TBC1D8B: variants seen among roughly 807,000 people sequenced by gnomAD.
TBC1D8B encodes RP11-321G1.1.
TBC1D8B carries 75 observed loss-of-function variants against 82.9 expected under a neutral mutation model. That is an observed-to-expected ratio of 0.90 (90% CI 0.75 to 1.10). TBC1D8B has a LOEUF of 1.10. TBC1D8B is among the 50% of genes least tolerant of loss of function. The pLI, the probability that TBC1D8B is intolerant of heterozygous loss-of-function variation, is 0.00. For synonymous variants in TBC1D8B, 276 were observed against 276.8 expected, an observed-to-expected ratio of 1.00 and a Z score of 0.03; for missense variants, 794 against 796.9, an observed-to-expected ratio of 1.00 and a Z score of 0.04.
chrX:106,844,423 G>C (rs1443923551), intron 10 of TBC1D8B, among the ~76,000 whole-genome samples: 1 of 105,544 alleles, frequency 9.5e-6, no homozygotes, highest in African/African-American at 3.4e-5. Context: ...AAGGAGTATT[G>C]ATTTTGTCAA....
At chrX:106,810,142 G>A (rs1727350587) in intron 1 of TBC1D8B, among the ~76,000 whole-genome samples, 2 of 111,732 alleles carry the variant, frequency 1.8e-5, no homozygotes, top group Non-Finnish European at 3.8e-5. Context: ...CCTAAAAGCA[G>A]TGATTAATAA....
intron 10 of TBC1D8B, 136 bp from the exon 11 acceptor site, chrX:106,848,050 T>A (rs1256165949): frequency 5.5e-6 from 2 of 364,863 alleles, no homozygotes; most frequent in Admixed American, 9.9e-5. Flanking sequence ...GGCTCAGAGT[T>A]CTCATGTTTC....
At chrX:106,854,060 A>T (rs1368297208) in intron 13 of TBC1D8B, 138 bp from the exon 14 acceptor site, 1 of 453,545 alleles carries the variant, frequency 2.2e-6, no homozygotes, top group Non-Finnish European at 3.4e-6. Context: ...AAAATTTGCA[A>T]AATCATTGAA....
In TBC1D8B at chrX:106,866,953, T is replaced by G. The variant is rs1035544325; in HGVS notation, c.2728+91T>G. 6.4e-6 allele frequency: 4 copies of G among 627,793 alleles called. No homozygotes were observed. The Admixed American group carries it at 1.4e-4, about 23-fold the overall frequency. 51.7% of individuals were successfully genotyped at this position (627,793 alleles called of 1,213,427 possible). Reference sequence around the variant, plus strand: ...CAGATTTTTTTAACAACTAAACTAATTTTCAACATGATATAAGATCGTTGC... The same window carrying G: ...CAGATTTTTTTAACAACTAAACTAAGTTTCAACATGATATAAGATCGTTGC... On this transcript the variant is annotated intron_variant, in intron 17 of 20. Transcript: ENST00000357242.
At chrX:106,839,030 T>C in intron 7 of TBC1D8B, among the ~76,000 whole-genome samples, 1 of 111,665 alleles carries the variant, frequency 9.0e-6, no homozygotes, top group African/African-American at 3.3e-5. Flanking sequence ...ATTGCATGCC[T>C]TTGGTTAATT....
chrX:106,854,335 A>AT (rs754149422), intron 14 of TBC1D8B, 39 bp downstream of exon 14: 4,987 of 885,866 alleles, frequency 5.6e-3, no homozygotes, highest in Non-Finnish European at 6.2e-3. Context: ...AGTTGGAGTA[A>AT]TTTTTTTTTT....
intron 7 of TBC1D8B, 163 bp downstream of exon 7, chrX:106,827,500 A>T (rs1931885517): frequency 2.1e-6 from 1 of 486,748 alleles, no homozygotes; most frequent in Non-Finnish European, 3.3e-6. Context: ...ATCCTTAAGC[A>T]GAAGTGAGAA....
intron 7 of TBC1D8B, among the ~76,000 whole-genome samples, chrX:106,837,709 G>A (rs1314751085): frequency 9.0e-6 from 1 of 111,397 alleles, no homozygotes; most frequent in Non-Finnish European, 1.9e-5. Flanking sequence ...AGAACATATG[G>A]TATTTATCTT....
chrX:106,865,300 G>A (rs1169257382), intron 14 of TBC1D8B, among the ~76,000 whole-genome samples: 1 of 112,094 alleles, frequency 8.9e-6, no homozygotes, highest in Admixed American at 9.5e-5. Flanking sequence ...TTCTTTGGCA[G>A]TGATTTCTGA....
In TBC1D8B at chrX:106,866,781, G is replaced by A. The variant is rs753929627; in HGVS notation, c.2663-16G>A. Reference sequence around the variant, plus strand: ...TTTAGATACATGATTATTTACAATTGAATTTTATTGAACAGACATAATGTA... The same window carrying A: ...TTTAGATACATGATTATTTACAATTAAATTTTATTGAACAGACATAATGTA... On this transcript the variant is annotated splice_polypyrimidine_tract_variant and intron_variant, in intron 16 of 20. Coordinates refer to ENST00000357242, the MANE Select transcript of TBC1D8B (RefSeq NM_017752.3). 4.6e-6 allele frequency: 5 copies of A among 1,090,888 alleles called. No individual in the cohort carries two copies. In the African/African-American group the frequency reaches 9.3e-5, roughly 20 times the overall value. 89.9% of individuals were successfully genotyped at this position (1,090,888 alleles called of 1,213,427 possible). A position where few individuals can be genotyped will look rare whatever the true frequency, so the allele number is the denominator to read the frequency against.
At chrX:106,843,146 TG>T (rs1236169781) in intron 10 of TBC1D8B, among the ~76,000 whole-genome samples, 1 of 111,608 alleles carries the variant, frequency 9.0e-6, no homozygotes, top group Non-Finnish European at 1.9e-5. Flanking sequence ...AATGCTGCTA[TG>T]AATATTCATG....
At chrX:106,821,834 C>T in intron 3 of TBC1D8B, 143 bp from the exon 4 acceptor site, 1 of 499,445 alleles carries the variant, frequency 2.0e-6, no homozygotes, top group Non-Finnish European at 3.2e-6. Flanking sequence ...ATTTTCAATC[C>T]CTGGTTGGTT....
chrX:106,837,677 T>G (rs2147749407), intron 7 of TBC1D8B, among the ~76,000 whole-genome samples: 1 of 111,797 alleles, frequency 8.9e-6, no homozygotes, highest in South Asian at 3.8e-4. Flanking sequence ...GAGCTCAACT[T>G]TTTACCTCCT....
chrX:106,872,256 AC>A (rs1246261123), intron 20 of TBC1D8B, among the ~76,000 whole-genome samples: 11 of 99,892 alleles, frequency 1.1e-4, no homozygotes, highest in Admixed American at 4.5e-4. Flanking sequence ...TTGCACTCCA[AC>A]CTGGGTGAGC....
intron 1 of TBC1D8B, among the ~76,000 whole-genome samples, chrX:106,807,519 A>G (rs1384294541): frequency 9.4e-6 from 1 of 106,769 alleles, no homozygotes; most frequent in African/African-American, 3.5e-5. Context: ...TAGAAAACTA[A>G]TATTTGGTTT....
At chrX:106,838,173 G>T (rs1932220908) in intron 7 of TBC1D8B, among the ~76,000 whole-genome samples, 1 of 110,607 alleles carries the variant, frequency 9.0e-6, no homozygotes, top group Non-Finnish European at 1.9e-5. Context: ...TTTAAACATA[G>T]TTTTAATTCT....
chrX:106,843,793 C>A (rs1230771893), intron 10 of TBC1D8B, among the ~76,000 whole-genome samples: 1 of 110,226 alleles, frequency 9.1e-6, no homozygotes. Flanking sequence ...AGATCAATTT[C>A]GGGAGTATTT....
intron 7 of TBC1D8B, chrX:106,828,067 G>A (rs964146720): frequency 9.0e-6 from 1 of 111,413 alleles, no homozygotes; most frequent in African/African-American, 3.3e-5. Context: ...GAAAAAAAGA[G>A]AGAAGAATCA....
intron 14 of TBC1D8B, among the ~76,000 whole-genome samples, chrX:106,863,190 AT>A (rs1932791413): frequency 8.9e-6 from 1 of 111,843 alleles, no homozygotes; most frequent in Non-Finnish European, 1.9e-5. Flanking sequence ...CAGGTGGTGT[AT>A]ACTGGCAGAA....
Sources: allele counts gnomAD v4.1 joint callset (sites outside exome capture counted in the v4.1 genomes callset), GRCh38; gene constraint gnomAD v4.1.1; transcripts MANE v1.5; gene names NCBI Gene and HGNC (gene_info 2026-07-23, HGNC 2026-07-21).